The following RBFOX1 variants were observed in gnomAD, a reference collection of about 807,000 sequenced individuals.
RBFOX1 encodes RNA binding fox-1 homolog 1.
A neutral mutation model predicts 57.7 loss-of-function variants in RBFOX1; 8 were observed. That is an observed-to-expected ratio of 0.14 (90% CI 0.08 to 0.25). The LOEUF (loss-of-function observed/expected upper bound fraction) is 0.25, where lower values mean the gene tolerates loss of function less well. RBFOX1 is among the 10% of genes least tolerant of loss of function. The pLI, the probability that RBFOX1 is intolerant of heterozygous loss-of-function variation, is 1.00. For synonymous variants in RBFOX1, 326 were observed against 222.4 expected (o/e 1.47, Z -4.15); for missense variants, 611 against 548.5 (o/e 1.11, Z -1.14).
intron 3 of RBFOX1, among the ~76,000 whole-genome samples, chr16:6,920,385 C>T (rs116209992): frequency 8.5e-4 from 130 of 152,232 alleles, no homozygotes; most frequent in African/African-American, 2.6e-3. Context: ...TGCATGAAAC[C>T]AGAGTCCTTT....
intron 4 of RBFOX1, among the ~76,000 whole-genome samples, chr16:7,148,353 A>G (rs1163546114): frequency 6.6e-6 from 1 of 152,208 alleles, no homozygotes; most frequent in African/African-American, 2.4e-5. Flanking sequence ...TAGCATCTAT[A>G]CAGGCCATTA....
At chr16:7,168,417 G>T (rs937002430) in intron 4 of RBFOX1, among the ~76,000 whole-genome samples, 1 of 151,922 alleles carries the variant, frequency 6.6e-6, no homozygotes, top group Admixed American at 6.6e-5. Context: ...CAGCCACATT[G>T]TCCACCAATT....
chr16:5,443,465 G>A (rs2068147577), intron 1 of RBFOX1, among the ~76,000 whole-genome samples: 1 of 152,220 alleles, frequency 6.6e-6, no homozygotes, highest in Non-Finnish European at 1.5e-5. Context: ...AGCCTTCTGA[G>A]TAGCTGGGAT....
chr16:6,777,810 A>G (rs148015943), intron 3 of RBFOX1, among the ~76,000 whole-genome samples: 1,805 of 152,238 alleles, frequency 0.012, 38 homozygotes, highest in African/African-American at 0.04. Context: ...GCACCTTGTC[A>G]TCAAGCTTTC....
At chr16:5,335,138 C>T (rs994214715) in intron 1 of RBFOX1, among the ~76,000 whole-genome samples, 2 of 152,110 alleles carry the variant, frequency 1.3e-5, no homozygotes, top group South Asian at 2.1e-4. Context: ...TTATAAATTT[C>T]TTATCTCTTT....
At chr16:6,995,809 A>T (rs904924949) in intron 3 of RBFOX1, among the ~76,000 whole-genome samples, 4 of 152,160 alleles carry the variant, frequency 2.6e-5, no homozygotes, top group Admixed American at 1.3e-4. Context: ...TTGAGGTAAA[A>T]GCTAGAGGTA....
intron 4 of RBFOX1, among the ~76,000 whole-genome samples, chr16:7,220,094 C>T (rs143123358): frequency 6.6e-6 from 1 of 152,264 alleles, no homozygotes; most frequent in East Asian, 1.9e-4. Context: ...TTGTGTGTAT[C>T]AGACCAAACA....
intron 2 of RBFOX1, among the ~76,000 whole-genome samples, chr16:6,551,969 C>A (rs532180388): frequency 6.6e-6 from 1 of 152,214 alleles, no homozygotes; most frequent in African/African-American, 2.4e-5. Context: ...TGCCTCTCAT[C>A]TTCTAGTCAT....
intron 4 of RBFOX1, among the ~76,000 whole-genome samples, chr16:5,956,248 C>T (rs932569288): frequency 7.9e-5 from 12 of 152,098 alleles, no homozygotes; most frequent in African/African-American, 2.9e-4. Flanking sequence ...TGCACTGCAT[C>T]CTGGGCGATG....
At chr16:7,071,581 C>T (rs1302922458) in intron 4 of RBFOX1, among the ~76,000 whole-genome samples, 1 of 113,974 alleles carries the variant, frequency 8.8e-6, no homozygotes, top group African/African-American at 3.5e-5. Context: ...ACTAATTTGC[C>T]CAGATATGTG....
intron 4 of RBFOX1, among the ~76,000 whole-genome samples, chr16:7,142,621 G>T (rs768355444): frequency 2.0e-5 from 3 of 152,056 alleles, no homozygotes; most frequent in Non-Finnish European, 4.4e-5. Flanking sequence ...TCATCTTCTG[G>T]ACTGTCAATC....
At chr16:5,863,871 C>T (rs1352161054) in intron 3 of RBFOX1, among the ~76,000 whole-genome samples, 1 of 152,174 alleles carries the variant, frequency 6.6e-6, no homozygotes, top group Non-Finnish European at 1.5e-5. Flanking sequence ...AAATAGCCAA[C>T]ATTTCCACAA....
At position 5,947,167 on chromosome 16, in the gene RBFOX1, G is replaced by C. The variant is rs546450285; in HGVS notation, c.351+79832G>C. ...GGAGGTTGAGGTTGCAGCGAGCCGT[G>C]ATTCTGCCACTGCTCTCCAGCCTGG... On this transcript the variant is annotated intron_variant, in intron 4 of 19. Coordinates refer to the RBFOX1 transcript ENST00000641259. This position sits in a 1 kb window ranked among gnomAD's most constrained non-coding sequence, Gnocchi z 7.2. Among the ~76,000 whole-genome samples the C allele has an allele frequency of 6.6e-6, 1 of 152,136 alleles. No homozygotes were observed. The highest frequency in any genetic ancestry group is 2.4e-5 in the African/African-American group (1 of 41,432).
intron 2 of RBFOX1, among the ~76,000 whole-genome samples, chr16:5,568,604 G>A (rs1297252606): frequency 6.6e-6 from 1 of 152,154 alleles, no homozygotes; most frequent in African/African-American, 2.4e-5. Context: ...TCTGTCTTCT[G>A]TTGTCTGCAG....
rs540943358 is a variant in RBFOX1 at position 6,262,201 on chromosome 16, C to T, written c.-126-54794C>T. ...CCCATCCAAGACAGTGGCTTGATTTCGGCCATCATACCCTCATTCAGATGG... is the reference window on the plus strand; with the variant it reads ...CCCATCCAAGACAGTGGCTTGATTTTGGCCATCATACCCTCATTCAGATGG... On this transcript the variant is annotated intron_variant, in intron 1 of 15. Coordinates refer to ENST00000550418, the MANE Select transcript of RBFOX1 (RefSeq NM_018723.4). Among the ~76,000 whole-genome samples the T allele has an allele frequency of 8.5e-5, 13 of 152,206 alleles. No homozygotes were observed. In the East Asian group the frequency reaches 1.9e-3, roughly 23 times the overall value.
At chr16:6,199,819 TTTACACACTGCTCTGCCAAC>T (rs1311023932) in intron 1 of RBFOX1, among the ~76,000 whole-genome samples, 1 of 152,086 alleles carries the variant, frequency 6.6e-6, no homozygotes, top group East Asian at 1.9e-4. Flanking sequence ...GCACAACAAA[TTTACACACTGCTCTGCCAAC>T]ACTCTCAGCC....
At chr16:7,405,678 C>T (rs1380875681) in intron 4 of RBFOX1, among the ~76,000 whole-genome samples, 1 of 152,180 alleles carries the variant, frequency 6.6e-6, no homozygotes. Context: ...GGCTGCAACT[C>T]AGGTCCCAGC....
intron 1 of RBFOX1, among the ~76,000 whole-genome samples, chr16:5,327,502 G>T (rs1441868674): frequency 6.6e-6 from 1 of 152,218 alleles, no homozygotes; most frequent in African/African-American, 2.4e-5. Flanking sequence ...TCTTGACACT[G>T]CCTGACTTTG....
At chr16:5,400,077 CCTTTTCTTTTTT>C (rs768328366) in intron 1 of RBFOX1, among the ~76,000 whole-genome samples, 2 of 151,872 alleles carry the variant, frequency 1.3e-5, no homozygotes, top group African/African-American at 2.4e-5. Flanking sequence ...TTTCTTCTTT[CCTTTTCTTTTTT>C]CTTTTCTTTC....
Sources: gnomAD v4.1 joint callset for allele counts (sites outside exome capture counted in the v4.1 genomes callset) on GRCh38, gnomAD v4.1.1 for gene constraint, Gnocchi (gnomAD v3.1) non-coding constraint, MANE v1.5 for transcripts, NCBI Gene and HGNC (gene_info 2026-07-23, HGNC 2026-07-21) for gene names.